TIE1: variants seen among roughly 807,000 people sequenced by gnomAD.
TIE1 encodes the protein tyrosine kinase with immunoglobulin like and EGF like domains 1.
A neutral mutation model predicts 130.5 loss-of-function variants in TIE1; 89 were observed. The ratio of observed to expected loss-of-function variants is 0.68; its 90% CI spans 0.57 to 0.81. The LOEUF (loss-of-function observed/expected upper bound fraction) is 0.81. Among genes scored for constraint, TIE1 ranks in the 40% least tolerant of loss-of-function variants. The pLI is 0.00. For missense variants in TIE1, 1,392 were observed against 1,559.8 expected, an observed-to-expected ratio of 0.89 and a Z score of 1.81; for synonymous variants, 568 against 629.4, an observed-to-expected ratio of 0.90 and a Z score of 1.46.
At position 43,300,998 on chromosome 1, in the gene TIE1, G is replaced by A. The variant is rs1646663659; in HGVS notation, c.-74G>A. The A allele has an allele frequency of 5.8e-6, 9 of 1,547,114 alleles. No homozygotes were observed. The highest frequency in any genetic ancestry group is 7.1e-6 in the Non-Finnish European group (8 of 1,125,428). ...CACCGACCCACACTGACCAACACAG[G>A]CTGAGCAGTCAGGCCCACAGCATCT... On this transcript the variant is annotated 5_prime_UTR_variant, in exon 1 of 23. Coordinates refer to ENST00000372476, the MANE Select transcript of TIE1 (RefSeq NM_005424.5).
Position 43,305,302 on chromosome 1 carries a change from T to A in TIE1, c.443T>A (p.Val148Glu). The A allele has an allele frequency of 6.2e-7, 1 of 1,600,482 alleles. No homozygotes were observed. The highest frequency in any genetic ancestry group is 8.5e-7 in the Non-Finnish European group (1 of 1,170,140). Residue 148 changes from valine to glutamate, a missense_variant, in exon 3 of 23, where the codon GTG becomes GAG. Physicochemically the swap from Val to Glu is moderately radical, Grantham distance 121 (BLOSUM62 -2). Transcript: ENST00000372476. Reference sequence around the variant, plus strand: ...GACACCGCTGTACTTTCTGCACGTGTGCACAAGGAGAAGCAGACAGACGTG... The same window carrying A: ...GACACCGCTGTACTTTCTGCACGTGAGCACAAGGAGAAGCAGACAGACGTG... ...KGDTAVLSAR[V>E]HKEKQTDVIW...
rs1646740256 is a variant in TIE1 at position 43,307,348 on chromosome 1, G to T, written c.772+75G>T. On this transcript the variant is annotated intron_variant, in intron 5 of 22. Coordinates refer to ENST00000372476, the MANE Select transcript of TIE1 (RefSeq NM_005424.5). The surrounding 1 kb of genome is among the most constrained non-coding windows in gnomAD (Gnocchi z 5.4). ...GAGAAGACCCTAGAACCATGTGGGT[G>T]GAGCTTGGAGGGTAAGGGCGACAGG... The T allele has an allele frequency of 6.2e-7, 1 of 1,611,592 alleles. No individual in the cohort carries two copies. Among genetic ancestry groups the T allele is most frequent in the Admixed American group, 1.7e-5 (1 of 59,944 alleles).
intron 19 of TIE1, chr1:43,320,728 ACCTGTAGT>A (rs1202237768): frequency 1.3e-5 from 2 of 152,162 alleles, no homozygotes; most frequent in African/African-American, 4.8e-5. Context: ...GGTGGCGGGC[ACCTGTAGT>A]CCCAGCTACT....
Position 43,317,397 on chromosome 1 carries a change from A to T in TIE1, c.2608A>T (p.Lys870Ter), listed in dbSNP as rs779571399. 1 of 1,614,096 alleles carries T rather than the reference A, an allele frequency of 6.2e-7. No individual in the cohort carries two copies. The highest frequency in any genetic ancestry group is 1.1e-5 in the South Asian group (1 of 91,088). The part of the protein sequence containing the change: ...KDGLKMNAAI[K>*]MLKEYASEND... ...CGGGCTGAAGATGAACGCAGCCATC[A>T]AAATGCTGAAAGGTCCACTGGGGCG... Residue 870 changes from lysine (K) to a stop codon, truncating the protein, a stop_gained, in exon 15 of 23, where the codon AAA becomes TAA. Coordinates refer to ENST00000372476, the MANE Select transcript of TIE1 (RefSeq NM_005424.5). LOFTEE classifies it high-confidence loss of function. This position sits in a 1 kb window ranked among gnomAD's most constrained non-coding sequence, Gnocchi z 5.1.
Position 43,319,168 on chromosome 1 carries a change from C to T in TIE1, c.2923-67C>T. 1 of 1,205,686 alleles carries T rather than the reference C, an allele frequency of 8.3e-7. No homozygotes were observed. Among genetic ancestry groups the T allele is most frequent in the South Asian group, 1.2e-5 (1 of 83,152 alleles). 74.7% of individuals were successfully genotyped at this position (1,205,686 alleles called of 1,614,324 possible). ...CAAGGGTACCCACGAAGACTGACTC[C>T]TTACTGGCCTGACTGTCCTGGGCTC... On this transcript the variant is annotated intron_variant, in intron 17 of 22. Transcript: ENST00000372476. This position sits in a 1 kb window ranked among gnomAD's most constrained non-coding sequence, Gnocchi z 4.7.
intron 14 of TIE1, chr1:43,314,239 A>G: frequency 1.4e-6 from 1 of 700,126 alleles, no homozygotes; most frequent in Non-Finnish European, 2.2e-6. Context: ...CATATTTCAC[A>G]ATGGACATTC....
At chr1:43,302,054 G>A (rs547823323) in intron 1 of TIE1, among the ~76,000 whole-genome samples, 3 of 152,258 alleles carry the variant, frequency 2.0e-5, no homozygotes, top group South Asian at 2.1e-4. Context: ...AGGAGTAGCC[G>A]CTGACTGTGT....
intron 1 of TIE1, among the ~76,000 whole-genome samples, chr1:43,303,581 G>A (rs920142013): frequency 2.0e-5 from 3 of 152,162 alleles, no homozygotes; most frequent in Non-Finnish European, 4.4e-5. Context: ...GGCTGGTGGA[G>A]GGGTTCTGGG....
At position 43,321,695 on chromosome 1, in the gene TIE1, C is replaced by T. The variant is rs6698998; in HGVS notation, c.3325C>T (p.Arg1109Cys). Residue 1109 changes from arginine to cysteine, a missense_variant, in exon 22 of 23, where the codon CGC becomes TGC. Physicochemically the swap from Arg to Cys is radical, Grantham distance 180. Coordinates refer to ENST00000372476, the MANE Select transcript of TIE1 (RefSeq NM_005424.5). ...PFAQIALQLGRMLEARKAYVN... is the reference protein window; with the variant it reads ...PFAQIALQLGCMLEARKAYVN... ...TGCCCAGATTGCGCTACAGCTAGGCCGCATGCTGGAAGCCAGGAAGGTGAG... is the reference window on the plus strand; with the variant it reads ...TGCCCAGATTGCGCTACAGCTAGGCTGCATGCTGGAAGCCAGGAAGGTGAG... 63 of 1,552,610 alleles carry T rather than the reference C, an allele frequency of 4.1e-5. No homozygotes were observed. Among genetic ancestry groups the T allele is most frequent in the East Asian group, 7.3e-5 (3 of 41,084 alleles).
In TIE1 at chr1:43,319,205, G is replaced by A; in HGVS notation, c.2923-30G>A. 2 of 1,570,972 alleles carry A rather than the reference G, an allele frequency of 1.3e-6. No individual in the cohort carries two copies. Among genetic ancestry groups the A allele is most frequent in the Non-Finnish European group, 1.8e-6 (2 of 1,140,696 alleles). ...ACTGTCCTGGGCTCCCTCATCCCCA[G>A]TCTCTCCTGACTTCTGACCCTGCCT... On this transcript the variant is annotated intron_variant, in intron 17 of 22. Coordinates refer to ENST00000372476, the MANE Select transcript of TIE1 (RefSeq NM_005424.5). The surrounding 1 kb of genome is among the most constrained non-coding windows in gnomAD (Gnocchi z 4.7).
chr1:43,313,470 AG>A lies in TIE1; in HGVS notation c.2218+46del. The A allele has an allele frequency of 6.2e-7, 1 of 1,602,960 alleles. No individual in the cohort carries two copies. Among genetic ancestry groups the A allele is most frequent in the South Asian group, 1.1e-5 (1 of 90,420 alleles). On this transcript the variant is annotated intron_variant, in intron 13 of 22. Coordinates refer to ENST00000372476, the MANE Select transcript of TIE1 (RefSeq NM_005424.5). This position sits in a 1 kb window ranked among gnomAD's most constrained non-coding sequence, Gnocchi z 6.2. ...AGGACCCCCCGGGCTCTGAGCGGGG[AG>A]AGCTCAGCACGCTCTCCTTCCACAT...
At chr1:43,305,591 A>T (rs1005712733) in intron 3 of TIE1, among the ~76,000 whole-genome samples, 1 of 152,086 alleles carries the variant, frequency 6.6e-6, no homozygotes, top group African/African-American at 2.4e-5. Context: ...CTTAGCCCCA[A>T]ATGAGCACGA....
At chr1:43,302,728 C>T (rs902513412) in intron 1 of TIE1, among the ~76,000 whole-genome samples, 2 of 151,918 alleles carry the variant, frequency 1.3e-5, no homozygotes, top group Non-Finnish European at 2.9e-5. Context: ...CATGGGAGGT[C>T]ACAGGCAAGA....
chr1:43,309,611 C>T lies in TIE1; in HGVS notation c.1333+79C>T. 6.8e-7 allele frequency: 1 copy of T among 1,479,116 alleles called. No individual in the cohort carries two copies. Among genetic ancestry groups the T allele is most frequent in the Non-Finnish European group, 9.0e-7 (1 of 1,113,994 alleles). The allele number at this position is 1,479,116 out of a possible 1,614,324, so 91.6% of individuals were successfully genotyped here. On this transcript the variant is annotated intron_variant, in intron 9 of 22. Coordinates refer to ENST00000372476, the MANE Select transcript of TIE1 (RefSeq NM_005424.5). The surrounding 1 kb of genome is among the most constrained non-coding windows in gnomAD (Gnocchi z 6.3). Reference sequence around the variant, plus strand: ...GATGATGCTGCTCAGGCTGGAGATACTAGCAGGAAGGACAAGGACATCTAA... The same window carrying T: ...GATGATGCTGCTCAGGCTGGAGATATTAGCAGGAAGGACAAGGACATCTAA...
At position 43,312,442 on chromosome 1, in the gene TIE1, G is replaced by A. The variant is rs772308447; in HGVS notation, c.1768G>A (p.Gly590Arg). Reference sequence around the variant, plus strand: ...GCTGCGCCTGTGGGACGGGACACGGGGGCAGGAGCGGCGGGAGAACGTCTC... The same window carrying A: ...GCTGCGCCTGTGGGACGGGACACGGAGGCAGGAGCGGCGGGAGAACGTCTC... The part of the protein sequence containing the change: ...FLLRLWDGTR[G>R]QERRENVSSP... Residue 590 changes from glycine to arginine, a missense_variant, in exon 12 of 23, where the codon GGG becomes AGG. By Grantham distance (125) the Gly-to-Arg change is moderately radical (BLOSUM62 -2). This residue lies in a region of TIE1 where 551 missense variants were observed against 565.5 expected (regional missense o/e 0.97). Coordinates refer to ENST00000372476, the MANE Select transcript of TIE1 (RefSeq NM_005424.5). This position sits in a 1 kb window ranked among gnomAD's most constrained non-coding sequence, Gnocchi z 5.6. 1.2e-6 allele frequency: 2 copies of A among 1,612,114 alleles called. No homozygotes were observed. Among genetic ancestry groups the A allele is most frequent in the South Asian group, 1.1e-5 (1 of 91,044 alleles).
chr1:43,318,972 A>G lies in TIE1; in HGVS notation c.2923-263A>G, dbSNP rs906453904. ...GGAAGAGGGAGGGGGAGAAGCATGGAAAGAGGAGAAGGTGCAGTATGGCCA... is the reference window on the plus strand; with the variant it reads ...GGAAGAGGGAGGGGGAGAAGCATGGGAAGAGGAGAAGGTGCAGTATGGCCA... On this transcript the variant is annotated intron_variant, in intron 17 of 22. Transcript: ENST00000372476. The surrounding 1 kb of genome is among the most constrained non-coding windows in gnomAD (Gnocchi z 4.4). Among the ~76,000 whole-genome samples, 1 of 152,050 alleles carries G rather than the reference A, an allele frequency of 6.6e-6. No individual in the cohort carries two copies.
At chr1:43,308,089 C>T (rs1389441328) in intron 7 of TIE1, among the ~76,000 whole-genome samples, 165 bp downstream of exon 7, 3 of 152,160 alleles carry the variant, frequency 2.0e-5, no homozygotes, top group Non-Finnish European at 4.4e-5. Context: ...GGGAGTCAGT[C>T]TGGTAGGGAG....
At position 43,317,782 on chromosome 1, in the gene TIE1, C is replaced by T. The variant is rs767979635; in HGVS notation, c.2732-100C>T. On this transcript the variant is annotated intron_variant, in intron 16 of 22. Coordinates refer to ENST00000372476, the MANE Select transcript of TIE1 (RefSeq NM_005424.5). The surrounding 1 kb of genome is among the most constrained non-coding windows in gnomAD (Gnocchi z 5.1). ...GGGCTGCTGGTGACCTGTGCACCAC[C>T]CTTGATCCTCCTTCATCCCTGTCTG... 3.3e-6 allele frequency: 5 copies of T among 1,496,286 alleles called. No individual in the cohort carries two copies. The highest frequency in any genetic ancestry group is 4.6e-6 in the Non-Finnish European group (5 of 1,086,164). The allele number at this position is 1,496,286 out of a possible 1,614,324, so 92.7% of individuals were successfully genotyped here.
In TIE1 at chr1:43,313,435, C is replaced by T. The variant is rs1229272021; in HGVS notation, c.2218+10C>T. 6.2e-7 allele frequency: 1 copy of T among 1,613,346 alleles called. No homozygotes were observed. Among genetic ancestry groups the T allele is most frequent in the South Asian group, 1.1e-5 (1 of 91,074 alleles). ...TCCACCCTGGGCAACGGTGAGAGGG[C>T]AGGGCCCACAGGACCCCCCGGGCTC... is the stretch of plus-strand genomic sequence containing the variant. On this transcript the variant is annotated intron_variant, in intron 13 of 22. Coordinates refer to ENST00000372476, the MANE Select transcript of TIE1 (RefSeq NM_005424.5). The surrounding 1 kb of genome is among the most constrained non-coding windows in gnomAD (Gnocchi z 6.2).
Sources: allele counts gnomAD v4.1 joint callset (sites outside exome capture counted in the v4.1 genomes callset), GRCh38; gene constraint gnomAD v4.1.1; regional missense constraint gnomAD v4.1.1; non-coding constraint Gnocchi (gnomAD v3.1); transcripts MANE v1.5; gene names NCBI Gene and HGNC (gene_info 2026-07-23, HGNC 2026-07-21).